The following LTN1 variants were observed in gnomAD, a reference collection of about 807,000 sequenced individuals.
LTN1 encodes the protein E3 ubiquitin-protein ligase listerin.
A neutral mutation model predicts 201.2 loss-of-function variants in LTN1; 88 were observed. The observed-to-expected ratio is 0.44, with a 90% CI of 0.37 to 0.52. LTN1 has a LOEUF of 0.52. Among genes scored for constraint, LTN1 ranks in the 20% least tolerant of loss-of-function variants. The pLI is 0.00. For synonymous variants in LTN1, 645 were observed against 713.5 expected (o/e 0.90, Z 1.53); for missense variants, 1,752 against 2,038.7 (o/e 0.86, Z 2.71).
chr21:28,935,202 C>T lies in LTN1; in HGVS notation c.4782G>A (p.Val1594=). The T allele has an allele frequency of 6.2e-7, 1 of 1,613,480 alleles. No homozygotes were observed. Among genetic ancestry groups the T allele is most frequent in the Non-Finnish European group, 8.5e-7 (1 of 1,179,406 alleles). ...NSSEKRVFNI[V]DRFTSKYVSS... ...TGACATACTTGCTTGTAAATCTATC[C>T]ACAATATTGAAAACACGCTTCTCAC... Residue 1594 remains valine, a synonymous_variant, in exon 27 of 30, where the codon GTG becomes GTA. Coordinates refer to ENST00000361371, the MANE Select transcript of LTN1 (RefSeq NM_015565.3).
intron 12 of LTN1, 200 bp from the exon 13 acceptor site, chr21:28,959,897 C>A: frequency 2.1e-6 from 1 of 472,542 alleles, no homozygotes; most frequent in Non-Finnish European, 3.6e-6. Flanking sequence ...AAGTAGAAAA[C>A]AGAAATGGTC....
At position 28,953,344 on chromosome 21, in the gene LTN1, C is replaced by G. The variant is rs1475764800; in HGVS notation, c.3112G>C (p.Glu1038Gln). ...AAAATAGGTGGGTTATCTAATTCTT[C>G]ACACCACTGCAGTGAATAAAGCAGT... ...AELLYSLQWCEELDNPPIFLI... is the reference protein window; with the variant it reads ...AELLYSLQWCQELDNPPIFLI... The change falls in exon 17 of 30, where the codon GAA (glutamate) becomes CAA (glutamine). Residue 1038 changes from glutamate to glutamine, a missense_variant. Transcript: ENST00000361371. The G allele has an allele frequency of 6.2e-7, 1 of 1,602,112 alleles. No individual in the cohort carries two copies. Among genetic ancestry groups the G allele is most frequent in the Admixed American group, 1.8e-5 (1 of 55,678 alleles).
chr21:28,978,497 T>C (rs1341363117), intron 6 of LTN1, among the ~76,000 whole-genome samples: 1 of 152,154 alleles, frequency 6.6e-6, no homozygotes, highest in African/African-American at 2.4e-5. Context: ...ATTGATGAAG[T>C]GAAGATTTTA....
intron 12 of LTN1, chr21:28,959,920 G>T (rs1038471748): frequency 1.7e-4 from 43 of 250,042 alleles, no homozygotes; most frequent in Non-Finnish European, 2.4e-4. Context: ...CAGTTAGGGT[G>T]AGCAAGTTTG....
chr21:28,943,234 T>G, intron 24 of LTN1, 28 bp downstream of exon 24: 1 of 1,418,636 alleles, frequency 7.0e-7, no homozygotes. Context: ...AAGAATTTAA[T>G]AAAACAAATT....
chr21:28,992,856 C>A lies in LTN1; in HGVS notation c.-51G>T, dbSNP rs1259489705. On this transcript the variant is annotated 5_prime_UTR_variant, in exon 1 of 30. Coordinates refer to ENST00000361371, the MANE Select transcript of LTN1 (RefSeq NM_015565.3). ...GCACTCAGACCCCGGTTGACACGTC[C>A]GGGACACAACTTCCGGCTTCTGGCG... The A allele has an allele frequency of 6.2e-7, 1 of 1,613,918 alleles. No individual in the cohort carries two copies. The highest frequency in any genetic ancestry group is 8.5e-7 in the Non-Finnish European group (1 of 1,179,922).
intron 18 of LTN1, among the ~76,000 whole-genome samples, chr21:28,950,871 G>C (rs1236096229): frequency 2.6e-5 from 4 of 152,170 alleles, no homozygotes; most frequent in African/African-American, 4.8e-5. Flanking sequence ...GAACAGATTA[G>C]TGGTTGCTAG....
At chr21:28,949,052 C>T (rs775935959) in intron 18 of LTN1, among the ~76,000 whole-genome samples, 5 of 152,128 alleles carry the variant, frequency 3.3e-5, no homozygotes, top group South Asian at 4.1e-4. Context: ...TTTTGATTCT[C>T]GGCAATATAG....
At position 28,961,936 on chromosome 21, in the gene LTN1, G is replaced by A. The variant is rs554534236; in HGVS notation, c.2164-1230C>T. On this transcript the variant is annotated intron_variant, in intron 11 of 29. Coordinates refer to ENST00000361371, the MANE Select transcript of LTN1 (RefSeq NM_015565.3). ...TGAGGCAGGAGAATCACTTGAACCC[G>A]GGAGGCAGAAGTTGCAGTGAGACGA... Among the ~76,000 whole-genome samples the A allele has an allele frequency of 1.5e-4, 23 of 152,158 alleles. No homozygotes were observed. In the East Asian group the frequency reaches 3.1e-3, roughly 20 times the overall value.
In LTN1 at chr21:28,929,072, AG is replaced by A. The variant is rs2084191011; in HGVS notation, c.*1375del. On this transcript the variant is annotated 3_prime_UTR_variant, in exon 30 of 30. Coordinates refer to ENST00000361371, the MANE Select transcript of LTN1 (RefSeq NM_015565.3). ...ATGTAGGAGGCAAACAAAACTGGGC[AG>A]GACACTGCATCTATAAATATAATTC... 6.6e-6 allele frequency: 1 copy of A among 152,620 alleles called. No homozygotes were observed. The highest frequency in any genetic ancestry group is 1.5e-5 in the Non-Finnish European group (1 of 67,992). The allele number at this position is 152,620 out of a possible 1,614,324, so 9.5% of individuals were successfully genotyped here.
At chr21:28,950,330 T>C (rs1466719569) in intron 18 of LTN1, among the ~76,000 whole-genome samples, 3 of 152,186 alleles carry the variant, frequency 2.0e-5, no homozygotes, top group African/African-American at 7.2e-5. Context: ...TTAAATTGAT[T>C]ACTATGGGTA....
In LTN1 at chr21:28,958,395, T is replaced by C. The variant is rs539657292; in HGVS notation, c.2738A>G (p.Asp913Gly). The C allele has an allele frequency of 1.2e-6, 2 of 1,601,392 alleles. No homozygotes were observed. The highest frequency in any genetic ancestry group is 1.7e-6 in the Non-Finnish European group (2 of 1,176,756). ...GCTCAAAAAAGGTTACCTGTTGATA[T>C]CCAAAGATGAAGCCTGAACTTGGTT... ...LKNQVQASSLDINSLQVLLSA... is the reference protein window; with the variant it reads ...LKNQVQASSLGINSLQVLLSA... Residue 913 changes from aspartate to glycine, a missense_variant, in exon 14 of 30, where the codon GAT (aspartate) becomes GGT (glycine). Physicochemically the swap from Asp to Gly is moderately conservative, Grantham distance 94 (BLOSUM62 -1). Coordinates refer to ENST00000361371, the MANE Select transcript of LTN1 (RefSeq NM_015565.3).
At chr21:28,953,702 A>G (rs1369753973) in intron 16 of LTN1, among the ~76,000 whole-genome samples, 1 of 152,208 alleles carries the variant, frequency 6.6e-6, no homozygotes, top group Non-Finnish European at 1.5e-5. Flanking sequence ...CCAGACAGGA[A>G]AAACAACTAA....
chr21:28,970,593 C>A lies in LTN1; in HGVS notation c.1134G>T (p.Lys378Asn), dbSNP rs755582890. 7 of 1,613,324 alleles carry A rather than the reference C, an allele frequency of 4.3e-6. No homozygotes were observed. The highest frequency in any genetic ancestry group is 5.9e-6 in the Non-Finnish European group (7 of 1,179,782). ...TGAGGAAATTTTTGAAGAAATCCAA[C>A]TTTGGATTTGTGATGGACTGAGGGA... is the stretch of plus-strand genomic sequence containing the variant. ...SKLPQSITNP[K>N]LDFFKNFLTS... is the part of the protein sequence containing the mutation. Residue 378 changes from lysine to asparagine, a missense_variant, in exon 8 of 30, where the codon AAG (lysine) becomes AAT (asparagine). By Grantham distance (94) the Lys-to-Asn change is moderately conservative. This residue lies in a region of LTN1 where 1,211 missense variants were observed against 1,312.8 expected (regional missense o/e 0.92). Transcript: ENST00000361371.
chr21:28,972,072 A>G (rs2146304737), intron 6 of LTN1, among the ~76,000 whole-genome samples: 1 of 152,292 alleles, frequency 6.6e-6, no homozygotes, highest in Non-Finnish European at 1.5e-5. Flanking sequence ...ACTCTAGGAG[A>G]TGATTAGGTC....
In LTN1 at chr21:28,932,458, A is replaced by G. The variant is rs1289331886; in HGVS notation, c.5070+12T>C. 4 of 1,609,726 alleles carry G rather than the reference A, an allele frequency of 2.5e-6. No homozygotes were observed. On this transcript the variant is annotated intron_variant, in intron 28 of 29. Coordinates refer to ENST00000361371, the MANE Select transcript of LTN1 (RefSeq NM_015565.3). ...CAAGTTTGTAAAGCCAAATGTGTAA[A>G]CAGAAACTTACCTGATGGGTGAGGT... is the stretch of plus-strand genomic sequence containing the variant.
intron 25 of LTN1, among the ~76,000 whole-genome samples, chr21:28,940,204 G>A (rs1230458290): frequency 6.6e-6 from 1 of 152,180 alleles, no homozygotes; most frequent in Non-Finnish European, 1.5e-5. Flanking sequence ...TTTTGAGACA[G>A]GGTCTGGCTC....
At chr21:28,976,547 C>A (rs1396241234) in intron 6 of LTN1, among the ~76,000 whole-genome samples, 1 of 150,224 alleles carries the variant, frequency 6.7e-6, no homozygotes, top group Non-Finnish European at 1.5e-5. Context: ...TTGCAGTGAG[C>A]CAAGATGACA....
chr21:28,990,386 C>T (rs996731061), intron 1 of LTN1, among the ~76,000 whole-genome samples: 3 of 152,206 alleles, frequency 2.0e-5, no homozygotes, highest in Admixed American at 1.3e-4. Flanking sequence ...AGTTTCACCA[C>T]ATTTAAAATG....
Sources: allele counts gnomAD v4.1 joint callset (sites outside exome capture counted in the v4.1 genomes callset), GRCh38; gene constraint gnomAD v4.1.1; regional missense constraint gnomAD v4.1.1; transcripts MANE v1.5; gene names NCBI Gene and HGNC (gene_info 2026-07-23, HGNC 2026-07-21).